Variants in CFH observed in about 807,000 individuals in gnomAD.
The protein encoded by CFH is complement factor H, also known as H factor 1 (complement).
In CFH, 53 loss-of-function variants were observed where a neutral mutation model predicts 147.3. The ratio of observed to expected loss-of-function variants is 0.36; its 90% CI spans 0.29 to 0.45. The LOEUF (loss-of-function observed/expected upper bound fraction) is 0.45. CFH is among the 20% of genes least tolerant of loss of function. CFH has a pLI of 1.00. For synonymous variants in CFH, 536 were observed against 489.4 expected (o/e 1.10, Z -1.26); for missense variants, 1,380 against 1,498.0 (o/e 0.92, Z 1.30).
chr1:196,659,132 C>T (rs2149068512), intron 1 of CFH, among the ~76,000 whole-genome samples: 1 of 152,210 alleles, frequency 6.6e-6, no homozygotes, highest in Non-Finnish European at 1.5e-5. Flanking sequence ...TGTATGCATC[C>T]TATTTAATAA....
chr1:196,693,712 G>A (rs781521047), intron 9 of CFH, among the ~76,000 whole-genome samples: 4 of 152,204 alleles, frequency 2.6e-5, no homozygotes, highest in Admixed American at 6.6e-5. Context: ...GCTCTGGGGA[G>A]AATGGGGCTG....
At chr1:196,723,687 T>C (rs1669057415) in intron 11 of CFH, among the ~76,000 whole-genome samples, 1 of 152,046 alleles carries the variant, frequency 6.6e-6, no homozygotes, top group Non-Finnish European at 1.5e-5. Context: ...GGGATAGATC[T>C]GTACCACTAA....
At chr1:196,719,978 G>T (rs977627425) in intron 11 of CFH, among the ~76,000 whole-genome samples, 1 of 150,800 alleles carries the variant, frequency 6.6e-6, no homozygotes, top group Middle Eastern at 3.2e-3. Context: ...CTTTTTCCTT[G>T]ATTACATTAA....
At chr1:196,723,831 T>C (rs1241923336) in intron 11 of CFH, among the ~76,000 whole-genome samples, 1 of 151,686 alleles carries the variant, frequency 6.6e-6, no homozygotes, top group Non-Finnish European at 1.5e-5. Context: ...ACCAGTGGAG[T>C]TGTAGCCACC....
intron 1 of CFH, among the ~76,000 whole-genome samples, chr1:196,669,677 C>T (rs1265343655): frequency 6.6e-6 from 1 of 152,188 alleles, no homozygotes; most frequent in Non-Finnish European, 1.5e-5. Flanking sequence ...CTTAGATGTC[C>T]AGGCAGAGGT....
In CFH at chr1:196,702,522, TG is replaced by T. The variant is rs1442305676; in HGVS notation, c.1337-11212del. ...CTAAAGTTTATGGAAGGAACAGGAT[TG>T]AAAAAAAAAAAAAAAACATCCAAAG... On this transcript the variant is annotated intron_variant, in intron 9 of 21. Transcript: ENST00000367429. Among the ~76,000 whole-genome samples, 22 of 73,442 alleles carry T rather than the reference TG, an allele frequency of 3.0e-4. No homozygotes were observed. In the East Asian group the frequency reaches 0.025, roughly 82 times the overall value. The allele number at this position is 73,442 out of a possible 152,430, so 48.2% of individuals were successfully genotyped here. A position where few individuals can be genotyped will look rare whatever the true frequency, so the allele number is the denominator to read the frequency against.
chr1:196,670,164 A>T (rs894389551), intron 1 of CFH, among the ~76,000 whole-genome samples: 1 of 152,208 alleles, frequency 6.6e-6, no homozygotes, highest in Non-Finnish European at 1.5e-5. Context: ...TGTATCTTGA[A>T]AATGACTAAT....
At chr1:196,673,493 C>A (rs1459294716) in intron 2 of CFH, 2 of 373,744 alleles carry the variant, frequency 5.4e-6, no homozygotes, top group Non-Finnish European at 1.0e-5. Flanking sequence ...CGTGCCACCA[C>A]GCCCGGCTAA....
Position 196,725,237 on chromosome 1 carries a change from G to A in CFH, c.1813G>A (p.Gly605Arg). The A allele has an allele frequency of 6.2e-7, 1 of 1,613,918 alleles. No individual in the cohort carries two copies. The highest frequency in any genetic ancestry group is 8.5e-7 in the Non-Finnish European group (1 of 1,179,900). ...CTGCAAACCAGGATTTACAATAGTTGGACCTAATTCCGTTCAGTGCTACCA... is the reference window on the plus strand; with the variant it reads ...CTGCAAACCAGGATTTACAATAGTTAGACCTAATTCCGTTCAGTGCTACCA... ...FSCKPGFTIV[G>R]PNSVQCYHFG... Residue 605 changes from glycine (G) to arginine (R), a missense_variant, in exon 12 of 22, where the codon GGA becomes AGA. Gly to Arg is a moderately radical substitution (Grantham distance 125, BLOSUM62 -2). Coordinates refer to ENST00000367429, the MANE Select transcript of CFH (RefSeq NM_000186.4).
chr1:196,731,296 G>T (rs1669275913), intron 15 of CFH, among the ~76,000 whole-genome samples: 1 of 151,782 alleles, frequency 6.6e-6, no homozygotes. Context: ...AAGGCTATTT[G>T]AAGTTGTAGT....
At chr1:196,684,258 T>A (rs1053449229) in intron 6 of CFH, among the ~76,000 whole-genome samples, 1 of 152,026 alleles carries the variant, frequency 6.6e-6, no homozygotes, top group African/African-American at 2.4e-5. Context: ...TTTTCATTAC[T>A]TTTGTACTAT....
chr1:196,692,387 C>A, intron 9 of CFH: 1 of 838,016 alleles, frequency 1.2e-6, no homozygotes, highest in Non-Finnish European at 1.4e-6. Flanking sequence ...TTAATTGAGG[C>A]TAATAATATG....
intron 15 of CFH, among the ~76,000 whole-genome samples, chr1:196,732,989 T>C (rs1669314685): frequency 6.6e-6 from 1 of 152,058 alleles, no homozygotes; most frequent in Admixed American, 6.6e-5. Context: ...TTTTGTATTC[T>C]GTGATGTAGG....
At position 196,715,667 on chromosome 1, in the gene CFH, T is replaced by C; in HGVS notation, c.1594T>C (p.Leu532=). 6.2e-7 allele frequency: 1 copy of C among 1,612,708 alleles called. No homozygotes were observed. Among genetic ancestry groups the C allele is most frequent in the Non-Finnish European group, 8.5e-7 (1 of 1,179,068 alleles). ...DFTWFKLNDT[L]DYECHDGYES... is the part of the protein sequence containing the mutation. ...CACATGGTTTAAGCTGAATGACACATTGGACTATGAATGCCATGATGGTTA... is the reference window on the plus strand; with the variant it reads ...CACATGGTTTAAGCTGAATGACACACTGGACTATGAATGCCATGATGGTTA... Residue 532 remains leucine (L), a synonymous_variant, in exon 11 of 22, where the codon TTG becomes CTG. Coordinates refer to ENST00000367429, the MANE Select transcript of CFH (RefSeq NM_000186.4).
At chr1:196,698,591 C>A (rs776208427) in intron 9 of CFH, among the ~76,000 whole-genome samples, 1 of 152,124 alleles carries the variant, frequency 6.6e-6, no homozygotes, top group Non-Finnish European at 1.5e-5. Context: ...TAATAGCCTG[C>A]CAACCAAAAA....
chr1:196,736,731 C>A (rs1457189029), intron 15 of CFH, 93 bp from the exon 16 acceptor site: 2 of 518,956 alleles, frequency 3.9e-6, no homozygotes, highest in Non-Finnish European at 2.7e-6. Flanking sequence ...CTATTTTAAT[C>A]ATATAAATTA....
At chr1:196,653,020 T>C (rs1666556522) in intron 1 of CFH, among the ~76,000 whole-genome samples, 1 of 151,890 alleles carries the variant, frequency 6.6e-6, no homozygotes, top group Non-Finnish European at 1.5e-5. Context: ...AATTACATAT[T>C]ATTCATAATT....
intron 20 of CFH, among the ~76,000 whole-genome samples, chr1:196,744,335 T>A (rs1399009610): frequency 6.6e-6 from 1 of 152,136 alleles, no homozygotes; most frequent in African/African-American, 2.4e-5. Context: ...TAATTATTGA[T>A]ATATAGGACT....
chr1:196,681,372 T>A (rs1239171468), intron 6 of CFH, among the ~76,000 whole-genome samples: 1 of 151,418 alleles, frequency 6.6e-6, no homozygotes, highest in African/African-American at 2.4e-5. Flanking sequence ...TTAAAACTCT[T>A]CCTTAGCACA....
Sources: gnomAD v4.1 joint callset for allele counts (sites outside exome capture counted in the v4.1 genomes callset) on GRCh38, gnomAD v4.1.1 for gene constraint, MANE v1.5 for transcripts, NCBI Gene and HGNC (gene_info 2026-07-23, HGNC 2026-07-21) for gene names.